The following PRKG1 variants were observed in gnomAD, a reference collection of about 807,000 sequenced individuals.
The protein encoded by PRKG1 is cGMP-dependent protein kinase 1.
PRKG1 carries 35 observed loss-of-function variants against 88.1 expected under a neutral mutation model. That is an observed-to-expected ratio of 0.40 (90% CI 0.30 to 0.53). The LOEUF (loss-of-function observed/expected upper bound fraction) is 0.53, where lower values mean the gene tolerates loss of function less well. PRKG1 is among the 20% of genes least tolerant of loss of function. The pLI, the probability that PRKG1 is intolerant of heterozygous loss-of-function variation, is 0.59. For synonymous variants in PRKG1, 303 were observed against 292.5 expected (o/e 1.04, Z -0.37); for missense variants, 540 against 839.8 (o/e 0.64, Z 4.41).
chr10:52,204,573 G>A (rs997869903), intron 9 of PRKG1, among the ~76,000 whole-genome samples: 2 of 152,130 alleles, frequency 1.3e-5, no homozygotes, highest in African/African-American at 2.4e-5. Context: ...CTTTACTGCA[G>A]TGTCTGAACA....
intron 5 of PRKG1, among the ~76,000 whole-genome samples, chr10:52,052,940 G>A (rs537416660): frequency 3.7e-4 from 57 of 152,262 alleles, no homozygotes; most frequent in African/African-American, 1.3e-3. Context: ...AAAGGTTTTG[G>A]TTAAATGAAT....
At chr10:52,180,849 A>G (rs1839005245) in intron 9 of PRKG1, among the ~76,000 whole-genome samples, 1 of 152,048 alleles carries the variant, frequency 6.6e-6, no homozygotes, top group African/African-American at 2.4e-5. Flanking sequence ...GCATGGGTGC[A>G]CAATTTCCTG....
intron 1 of PRKG1, among the ~76,000 whole-genome samples, chr10:51,142,467 G>C (rs1177453462): frequency 6.6e-6 from 1 of 151,984 alleles, no homozygotes. Flanking sequence ...CAGAAAAAGA[G>C]AGAAGAAACA....
intron 5 of PRKG1, among the ~76,000 whole-genome samples, chr10:52,007,580 T>TC (rs34816904): frequency 0.45 from 67,831 of 151,904 alleles, 15,453 homozygotes; most frequent in East Asian, 0.65. Context: ...GACCTAACTA[T>TC]CTAAATATAT....
intron 5 of PRKG1, among the ~76,000 whole-genome samples, chr10:52,043,503 TA>T (rs1259767346): frequency 1.3e-5 from 2 of 152,054 alleles, no homozygotes; most frequent in Non-Finnish European, 2.9e-5. Flanking sequence ...ATGTGAAATG[TA>T]AAATTTTGTT....
At chr10:51,570,445 G>C (rs947326569) in intron 3 of PRKG1, among the ~76,000 whole-genome samples, 1 of 151,872 alleles carries the variant, frequency 6.6e-6, no homozygotes, top group Non-Finnish European at 1.5e-5. Context: ...CACCATAAAG[G>C]TCTTCATCCT....
At chr10:52,071,192 A>G (rs1846487522) in intron 7 of PRKG1, among the ~76,000 whole-genome samples, 4 of 152,014 alleles carry the variant, frequency 2.6e-5, no homozygotes, top group East Asian at 3.9e-4. Context: ...GGTTTGTTAC[A>G]TGGGTGTACT....
chr10:51,460,454 CTT>C (rs1397167821), intron 2 of PRKG1, among the ~76,000 whole-genome samples: 2 of 152,210 alleles, frequency 1.3e-5, no homozygotes, highest in South Asian at 2.1e-4. Flanking sequence ...GCTTAATACA[CTT>C]GACTTAATTA....
At chr10:52,174,658 C>G (rs1023195050) in intron 9 of PRKG1, among the ~76,000 whole-genome samples, 1 of 151,798 alleles carries the variant, frequency 6.6e-6, no homozygotes, top group Non-Finnish European at 1.5e-5. Context: ...CTATTTATTT[C>G]ATTCATAAGC....
At chr10:52,131,408 A>T (rs1837254109) in intron 7 of PRKG1, among the ~76,000 whole-genome samples, 1 of 152,174 alleles carries the variant, frequency 6.6e-6, no homozygotes, top group African/African-American at 2.4e-5. Flanking sequence ...TGGTCAATTC[A>T]TGATGGCATC....
intron 3 of PRKG1, among the ~76,000 whole-genome samples, chr10:51,472,730 G>A (rs1156884319): frequency 6.6e-6 from 1 of 151,940 alleles, no homozygotes; most frequent in East Asian, 1.9e-4. Flanking sequence ...ACAAACAATT[G>A]CTAGAATACC....
chr10:51,789,502 A>G (rs1467765672), intron 3 of PRKG1, among the ~76,000 whole-genome samples: 2 of 152,126 alleles, frequency 1.3e-5, no homozygotes. Flanking sequence ...TTCCTTTTCT[A>G]AAAAATCACA....
Position 51,659,128 on chromosome 10 carries a change from G to A in PRKG1, c.593-145457G>A, listed in dbSNP as rs574122546. 1.1e-4 allele frequency among the ~76,000 whole-genome samples: 16 copies of A among 152,172 alleles called. No individual in the cohort carries two copies. The South Asian group carries it at 2.5e-3, about 24-fold the overall frequency. On this transcript the variant is annotated intron_variant, in intron 3 of 17. Transcript: ENST00000373980. The stretch of plus-strand genomic sequence containing the variant: ...AGTTCTCAGTAAAACATGAGGCAAA[G>A]GTGTTTGTTTTATAAGCATGCTTTT...
chr10:51,590,719 C>G (rs1369705336), intron 3 of PRKG1, among the ~76,000 whole-genome samples: 2 of 152,008 alleles, frequency 1.3e-5, no homozygotes, highest in African/African-American at 2.4e-5. Context: ...GCTGTGTCAT[C>G]AAGCACAATT....
rs553924243 is a variant in PRKG1 at position 51,918,349 on chromosome 10, T to TA, written c.762+10779_762+10780insA. 2.5e-3 allele frequency among the ~76,000 whole-genome samples: 384 copies of TA among 152,216 alleles called. 2 individuals are homozygous for TA. Among genetic ancestry groups the TA allele is most frequent in the African/African-American group, 7.9e-3 (329 of 41,550 alleles). On this transcript the variant is annotated intron_variant, in intron 5 of 17. Transcript: ENST00000373980. ...ACTTGACTTATTTTTTTTTTATTTT[T>TA]TTTTTTGTGAGAGTAATTAGCTTTT...
At chr10:52,256,361 G>C (rs1272873447) in intron 10 of PRKG1, among the ~76,000 whole-genome samples, 2 of 138,704 alleles carry the variant, frequency 1.4e-5, no homozygotes, top group African/African-American at 5.0e-5. Context: ...AATACCTGCA[G>C]AGAAAAAAAA....
intron 5 of PRKG1, among the ~76,000 whole-genome samples, chr10:51,967,321 A>G (rs1487921809): frequency 6.6e-6 from 1 of 152,152 alleles, no homozygotes; most frequent in Non-Finnish European, 1.5e-5. Flanking sequence ...ACAAAAAACC[A>G]AACACCACAT....
At chr10:51,926,570 C>G (rs2057157799) in intron 5 of PRKG1, among the ~76,000 whole-genome samples, 1 of 151,956 alleles carries the variant, frequency 6.6e-6, no homozygotes, top group Non-Finnish European at 1.5e-5. Context: ...TCTTTGCTTC[C>G]CCACCCCTGA....
At chr10:51,691,882 T>C (rs1841153965) in intron 3 of PRKG1, among the ~76,000 whole-genome samples, 1 of 152,208 alleles carries the variant, frequency 6.6e-6, no homozygotes, top group South Asian at 2.1e-4. Context: ...TGTCCAAAGA[T>C]ATTTAAAACT....
Sources: allele counts gnomAD v4.1 joint callset (sites outside exome capture counted in the v4.1 genomes callset), GRCh38; gene constraint gnomAD v4.1.1; transcripts MANE v1.5; gene names NCBI Gene and HGNC (gene_info 2026-07-23, HGNC 2026-07-21).